KIT: variants seen among roughly 807,000 people sequenced by gnomAD.
KIT encodes KIT proto-oncogene, receptor tyrosine kinase.
In KIT, 16 loss-of-function variants were observed where a neutral mutation model predicts 105.7. The observed-to-expected ratio is 0.15, with a 90% CI of 0.10 to 0.23. KIT has a LOEUF of 0.23. Among genes scored for constraint, KIT ranks in the 10% least tolerant of loss-of-function variants. KIT has a pLI of 1.00. For synonymous variants in KIT, 438 were observed against 441.1 expected (o/e 0.99, Z 0.09); for missense variants, 858 against 1,213.8 (o/e 0.71, Z 4.36).
At chr4:54,698,096 A>G (rs1235853104) in intron 2 of KIT, among the ~76,000 whole-genome samples, 188 bp from the exon 3 acceptor site, 1 of 152,230 alleles carries the variant, frequency 6.6e-6, no homozygotes, top group East Asian at 1.9e-4. Context: ...TGCGTGATAC[A>G]TGGAAAGCGT....
At chr4:54,682,941 G>A (rs1011583139) in intron 1 of KIT, among the ~76,000 whole-genome samples, 2 of 151,760 alleles carry the variant, frequency 1.3e-5, no homozygotes, top group East Asian at 1.9e-4. Flanking sequence ...TAGTAGAGAC[G>A]GGGTTTCACC....
Position 54,739,040 on chromosome 4 carries a change from T to A in KIT, c.*483T>A. 2 of 431,384 alleles carry A rather than the reference T, an allele frequency of 4.6e-6. No individual in the cohort carries two copies. Among genetic ancestry groups the A allele is most frequent in the Non-Finnish European group, 8.1e-6 (2 of 245,454 alleles). 26.7% of individuals were successfully genotyped at this position (431,384 alleles called of 1,614,324 possible). The stretch of plus-strand genomic sequence containing the variant: ...AAGGACAGAGTATGAACACCTGGGC[T>A]TAAGAAATCTAGTATTTCATGCTGG... On this transcript the variant is annotated 3_prime_UTR_variant, in exon 21 of 21. Transcript: ENST00000288135.
intron 1 of KIT, among the ~76,000 whole-genome samples, chr4:54,659,299 C>T (rs1291347370): frequency 2.6e-5 from 4 of 152,220 alleles, no homozygotes; most frequent in African/African-American, 9.6e-5. Flanking sequence ...GGTCAGATTC[C>T]TGCCTCCCGT....
intron 1 of KIT, among the ~76,000 whole-genome samples, chr4:54,675,242 G>A (rs6820303): frequency 0.43 from 65,872 of 152,028 alleles, 14,632 homozygotes; most frequent in African/African-American, 0.49. Flanking sequence ...AAAGCCATAT[G>A]AAGAATAAGG....
At chr4:54,719,029 AT>A (rs1472129673) in intron 7 of KIT, among the ~76,000 whole-genome samples, 1 of 152,228 alleles carries the variant, frequency 6.6e-6, no homozygotes, top group Non-Finnish European at 1.5e-5. Context: ...CCGGAAAAGC[AT>A]TGCTTCATTG....
At chr4:54,715,947 CAG>C (rs1226059193) in intron 7 of KIT, among the ~76,000 whole-genome samples, 1 of 133,032 alleles carries the variant, frequency 7.5e-6, no homozygotes, top group Non-Finnish European at 1.7e-5. Flanking sequence ...CCTCACAAAA[CAG>C]AGCAAAGTTA....
At chr4:54,732,450 T>G (rs1175721082) in intron 16 of KIT, among the ~76,000 whole-genome samples, 1 of 151,842 alleles carries the variant, frequency 6.6e-6, no homozygotes. Context: ...AAATAAGGGG[T>G]CAGAGGGAGT....
At chr4:54,715,368 T>A (rs1190329596) in intron 7 of KIT, among the ~76,000 whole-genome samples, 5 of 142,822 alleles carry the variant, frequency 3.5e-5, no homozygotes, top group African/African-American at 7.7e-5. Flanking sequence ...GTGTTGCTGT[T>A]AAAAAAAAAA....
At chr4:54,681,746 AAAAAC>A in intron 1 of KIT, among the ~76,000 whole-genome samples, 1 of 152,284 alleles carries the variant, frequency 6.6e-6, no homozygotes, top group East Asian at 1.9e-4. Context: ...AGAGTAGTAT[AAAAAC>A]AAAGTAGGCC....
At chr4:54,714,763 C>T (rs866184640) in intron 7 of KIT, among the ~76,000 whole-genome samples, 4 of 152,122 alleles carry the variant, frequency 2.6e-5, no homozygotes, top group African/African-American at 4.8e-5. Context: ...ATAAATAGAT[C>T]CCGCTCCCAT....
chr4:54,704,650 T>G (rs1720668583), intron 5 of KIT, among the ~76,000 whole-genome samples: 1 of 152,214 alleles, frequency 6.6e-6, no homozygotes. Context: ...TTACTGAGAA[T>G]AATAATAATT....
intron 7 of KIT, among the ~76,000 whole-genome samples, chr4:54,719,570 AT>A (rs11462194): frequency 5.3e-5 from 8 of 151,086 alleles, no homozygotes; most frequent in African/African-American, 1.5e-4. Context: ...CAAAAAGGCT[AT>A]TTTTTTTTAT....
At chr4:54,717,706 A>C (rs1721595415) in intron 7 of KIT, among the ~76,000 whole-genome samples, 1 of 152,198 alleles carries the variant, frequency 6.6e-6, no homozygotes, top group African/African-American at 2.4e-5. Flanking sequence ...TAATGTAGTG[A>C]AATTTAAATT....
intron 11 of KIT, 21 bp from the exon 12 acceptor site, chr4:54,727,802 T>C (rs1275019619): frequency 1.3e-6 from 2 of 1,597,760 alleles, no homozygotes; most frequent in South Asian, 2.2e-5. Context: ...ACCACTTACC[T>C]TGTTGTCTTC....
In KIT at chr4:54,695,494, T is replaced by C. The variant is rs1481336880; in HGVS notation, c.68-18T>C. The C allele has an allele frequency of 2.5e-6, 4 of 1,613,814 alleles. No homozygotes were observed. The highest frequency in any genetic ancestry group is 3.4e-6 in the Non-Finnish European group (4 of 1,179,862). On this transcript the variant is annotated intron_variant, in intron 1 of 20. Coordinates refer to ENST00000288135, the MANE Select transcript of KIT (RefSeq NM_000222.3). ...AGGAAGAAGATCATACTCAACACGA[T>C]TCTGTTTTTCTTGGCAGGCTCTTCT... is the stretch of plus-strand genomic sequence containing the variant.
chr4:54,723,360 C>T (rs1722009720), intron 7 of KIT, among the ~76,000 whole-genome samples: 1 of 152,202 alleles, frequency 6.6e-6, no homozygotes, highest in Non-Finnish European at 1.5e-5. Flanking sequence ...TCAGCCATCT[C>T]CTCTGGGGCT....
chr4:54,736,878 G>C, intron 19 of KIT, 58 bp downstream of exon 19: 1 of 1,342,518 alleles, frequency 7.4e-7, no homozygotes, highest in Non-Finnish European at 1.1e-6. Flanking sequence ...TTTCTTTTTA[G>C]AGACAGAAAC....
intron 3 of KIT, 62 bp from the exon 4 acceptor site, chr4:54,699,568 T>C: frequency 6.3e-7 from 1 of 1,583,138 alleles, no homozygotes; most frequent in Non-Finnish European, 8.7e-7. Context: ...GGAGAAATGG[T>C]AAATCAAAAT....
intron 1 of KIT, among the ~76,000 whole-genome samples, chr4:54,658,919 G>T (rs1357949278): frequency 6.6e-6 from 1 of 152,170 alleles, no homozygotes; most frequent in African/African-American, 2.4e-5. Context: ...GCGGCTGGAG[G>T]CTGTGTTTGC....
Sources: gnomAD v4.1 joint callset for allele counts (sites outside exome capture counted in the v4.1 genomes callset) on GRCh38, gnomAD v4.1.1 for gene constraint, MANE v1.5 for transcripts, NCBI Gene and HGNC (gene_info 2026-07-23, HGNC 2026-07-21) for gene names.